The following ATP6V0E2 variants were observed in gnomAD, a reference collection of about 807,000 sequenced individuals.
ATP6V0E2 encodes the protein ATPase H+ transporting V0 subunit e2, also known as V-type proton ATPase subunit e 2.
Under a neutral mutation model 11.5 loss-of-function variants are expected in ATP6V0E2, and 4 were observed. That is an observed-to-expected ratio of 0.35 (90% confidence interval 0.17 to 0.80). The LOEUF (loss-of-function observed/expected upper bound fraction) is 0.80, where lower values mean the gene tolerates loss of function less well. Ranked by LOEUF, ATP6V0E2 falls within the 30% of genes least tolerant of loss-of-function variation. The pLI, the probability that ATP6V0E2 is intolerant of heterozygous loss-of-function variation, is 0.53. For synonymous variants in ATP6V0E2, 52 were observed against 51.0 expected (o/e 1.02, Z -0.09); for missense variants, 93 against 113.5 (o/e 0.82, Z 0.82).
chr7:149,873,966 C>A, upstream of ATP6V0E2: 1 of 1,546,986 alleles, frequency 6.5e-7, no homozygotes, highest in Non-Finnish European at 8.7e-7. Flanking sequence ...GTGCTCGACT[C>A]CTGTTGCGCA....
At chr7:149,878,836 A>G in intron 3 of ATP6V0E2, 46 bp downstream of exon 3, 1 of 961,036 alleles carries the variant, frequency 1.0e-6, no homozygotes, top group Admixed American at 2.5e-5. Context: ...GGGAAAGACA[A>G]GGCTTTCCCA....
At position 149,879,686 on chromosome 7, in the gene ATP6V0E2, C is replaced by A; in HGVS notation, c.*371C>A. The A allele has an allele frequency of 7.1e-7, 1 of 1,410,518 alleles. No homozygotes were observed. The highest frequency in any genetic ancestry group is 9.3e-7 in the Non-Finnish European group (1 of 1,076,124). 87.4% of individuals were successfully genotyped at this position (1,410,518 alleles called of 1,614,324 possible). A position where few individuals can be genotyped will look rare whatever the true frequency, so the allele number is the denominator to read the frequency against. On this transcript the variant is annotated 3_prime_UTR_variant, in exon 4 of 4. Coordinates refer to ENST00000425642, the MANE Select transcript of ATP6V0E2 (RefSeq NM_145230.4). ...GACTCAGCCCATCCTGAGGAGGACA[C>A]GTGTCCTCATGGAGAGGGTGCTCCG...
chr7:149,873,862 C>G, upstream of ATP6V0E2: 1 of 1,457,306 alleles, frequency 6.9e-7, no homozygotes, highest in Non-Finnish European at 9.0e-7. Flanking sequence ...CTCAGCCAAT[C>G]AGCGAGTGGG....
chr7:149,874,720 G>C (rs1291503800), intron 1 of ATP6V0E2: 1 of 153,932 alleles, frequency 6.5e-6, no homozygotes, highest in Non-Finnish European at 1.4e-5. Context: ...CAGTTACAAA[G>C]CACCCTTCCC....
Position 149,879,397 on chromosome 7 carries a change from C to G in ATP6V0E2, c.*82C>G. 6.2e-7 allele frequency: 1 copy of G among 1,600,244 alleles called. No homozygotes were observed. The highest frequency in any genetic ancestry group is 8.5e-7 in the Non-Finnish European group (1 of 1,173,548). ...CTGACAACCCCTTCGTCCGGACCCT[C>G]CCCCACACAACTATGTCTGGTCACC... On this transcript the variant is annotated 3_prime_UTR_variant, in exon 4 of 4. Transcript: ENST00000425642.
chr7:149,873,953 C>T, upstream of ATP6V0E2: 1 of 1,544,076 alleles, frequency 6.5e-7, no homozygotes, highest in Non-Finnish European at 8.7e-7. Context: ...CTGATCGCTT[C>T]GGGTGCTCGA....
At chr7:149,876,247 G>A (rs1394953958) in intron 2 of ATP6V0E2, among the ~76,000 whole-genome samples, 3 of 152,194 alleles carry the variant, frequency 2.0e-5, no homozygotes, top group Non-Finnish European at 2.9e-5. Flanking sequence ...CTGGTGGCGC[G>A]TGCCTGTAGT....
chr7:149,877,764 T>G (rs1250917473), intron 2 of ATP6V0E2, among the ~76,000 whole-genome samples: 1 of 152,134 alleles, frequency 6.6e-6, no homozygotes, highest in African/African-American at 2.4e-5. Flanking sequence ...AAATACCAAC[T>G]GAATCAACAT....
chr7:149,878,348 A>T (rs1803261451), intron 2 of ATP6V0E2, among the ~76,000 whole-genome samples: 1 of 152,058 alleles, frequency 6.6e-6, no homozygotes, highest in Admixed American at 6.5e-5. Flanking sequence ...GGGAGCCTGG[A>T]CAGAGGTGTG....
At position 149,879,600 on chromosome 7, in the gene ATP6V0E2, GA is replaced by G. The variant is rs1803348539; in HGVS notation, c.*286del. On this transcript the variant is annotated 3_prime_UTR_variant, in exon 4 of 4. Coordinates refer to ENST00000425642, the MANE Select transcript of ATP6V0E2 (RefSeq NM_145230.4). ...TGGAGTTTGCCCTCTTTCCCAAGGA[GA>G]TGCTGCTGGGGAGCTGGTATGGGTG... 5 of 1,480,542 alleles carry G rather than the reference GA, an allele frequency of 3.4e-6. 1 individual carries two copies. The highest frequency in any genetic ancestry group is 4.5e-6 in the Non-Finnish European group (5 of 1,113,056). The allele number at this position is 1,480,542 out of a possible 1,614,324, so 91.7% of individuals were successfully genotyped here.
At chr7:149,874,288 A>T (rs751712712) in intron 1 of ATP6V0E2, 119 bp downstream of exon 1, 134 of 1,321,550 alleles carry the variant, frequency 1.0e-4, no homozygotes, top group Non-Finnish European at 1.3e-4. Context: ...GAGGGACGCC[A>T]GGACCCCGGA....
In ATP6V0E2 at chr7:149,877,650, G is replaced by C. The variant is rs548882633; in HGVS notation, c.153-1028G>C. 6.6e-5 allele frequency among the ~76,000 whole-genome samples: 10 copies of C among 150,674 alleles called. No individual in the cohort carries two copies. The East Asian group carries it at 1.6e-3, about 23-fold the overall frequency. The stretch of plus-strand genomic sequence containing the variant: ...GCTATTTCTAGGTCCTTCAGGGCTT[G>C]AGAAAAGATCCTCATCTGCCCATGG... On this transcript the variant is annotated intron_variant, in intron 2 of 3. Coordinates refer to ENST00000425642, the MANE Select transcript of ATP6V0E2 (RefSeq NM_145230.4).
In ATP6V0E2 at chr7:149,879,477, T is replaced by C; in HGVS notation, c.*162T>C. ...GGACCCGCAGGGCCTGCCTGGTTCCTGGAAGTCTTCCCAGTCTTCCCAGCC... is the reference window on the plus strand; with the variant it reads ...GGACCCGCAGGGCCTGCCTGGTTCCCGGAAGTCTTCCCAGTCTTCCCAGCC... On this transcript the variant is annotated 3_prime_UTR_variant, in exon 4 of 4. Coordinates refer to ENST00000425642, the MANE Select transcript of ATP6V0E2 (RefSeq NM_145230.4). The C allele has an allele frequency of 6.3e-7, 1 of 1,594,224 alleles. No individual in the cohort carries two copies. The highest frequency in any genetic ancestry group is 8.5e-7 in the Non-Finnish European group (1 of 1,170,878).
At chr7:149,879,143 A>G in intron 3 of ATP6V0E2, 192 bp from the exon 4 acceptor site, 1 of 1,392,004 alleles carries the variant, frequency 7.2e-7, no homozygotes, top group African/African-American at 1.4e-5. Flanking sequence ...TGCTCCCAGC[A>G]CCCCCCTCCC....
intron 1 of ATP6V0E2, 74 bp downstream of exon 1, chr7:149,874,243 G>A (rs567536775): frequency 6.8e-7 from 1 of 1,470,750 alleles, no homozygotes; most frequent in African/African-American, 1.4e-5. Context: ...CCGCCCCGGG[G>A]CGGCGGCTTC....
At position 149,879,776 on chromosome 7, in the gene ATP6V0E2, G is replaced by T; in HGVS notation, c.*461G>T. ...CACCATCCTGCTGGGAACTGGGGGGGCCTCTATTGGGTTATAGGCAAGGCC... is the reference window on the plus strand; with the variant it reads ...CACCATCCTGCTGGGAACTGGGGGGTCCTCTATTGGGTTATAGGCAAGGCC... On this transcript the variant is annotated 3_prime_UTR_variant, in exon 4 of 4. Coordinates refer to ENST00000425642, the MANE Select transcript of ATP6V0E2 (RefSeq NM_145230.4). 1.1e-6 allele frequency: 1 copy of T among 916,938 alleles called. No homozygotes were observed. The highest frequency in any genetic ancestry group is 1.5e-6 in the Non-Finnish European group (1 of 677,690). 56.8% of individuals were successfully genotyped at this position (916,938 alleles called of 1,614,324 possible).
chr7:149,873,605 G>C, upstream of ATP6V0E2: 1 of 277,906 alleles, frequency 3.6e-6, no homozygotes, highest in Non-Finnish European at 6.7e-6. Context: ...GGGGCCGTCA[G>C]GTTCGGGGCG....
chr7:149,873,547 C>T (rs531023702), upstream of ATP6V0E2: 1 of 187,072 alleles, frequency 5.3e-6, no homozygotes, highest in South Asian at 1.9e-4. Flanking sequence ...ACCGCCCTCC[C>T]GCTGCGTCTC....
intron 3 of ATP6V0E2, 127 bp downstream of exon 3, chr7:149,878,917 C>A: frequency 6.1e-6 from 1 of 163,470 alleles, no homozygotes; most frequent in Non-Finnish European, 9.2e-6. Flanking sequence ...CCTGTGTTCC[C>A]AGGGTGACGA....
Sources: allele counts gnomAD v4.1 joint callset (sites outside exome capture counted in the v4.1 genomes callset), GRCh38; gene constraint gnomAD v4.1.1; transcripts MANE v1.5; gene names NCBI Gene and HGNC (gene_info 2026-07-23, HGNC 2026-07-21).